Variants in PHEX observed in about 807,000 individuals in gnomAD.
PHEX encodes the protein phosphate-regulating neutral endopeptidase PHEX.
PHEX carries 16 observed loss-of-function variants against 68.0 expected under a neutral mutation model. That is an observed-to-expected ratio of 0.24 (90% CI 0.16 to 0.36). The LOEUF is 0.36. Among genes scored for constraint, PHEX ranks in the 10% least tolerant of loss-of-function variants. PHEX has a pLI of 1.00. For missense variants in PHEX, 480 were observed against 575.5 expected (o/e 0.83, Z 1.70); for synonymous variants, 208 against 205.1 (o/e 1.01, Z -0.12).
rs778858802 is a variant in PHEX, at chrX:22,119,144, C to T, written c.1302+4558C>T. Among the ~76,000 whole-genome samples, 22 of 111,515 alleles carry T rather than the reference C, an allele frequency of 2.0e-4. No individual in the cohort carries two copies. The South Asian group carries it at 8.0e-3, about 41-fold the overall frequency. On this transcript the variant is annotated intron_variant, in intron 11 of 21. Transcript: ENST00000379374. The stretch of plus-strand genomic sequence containing the variant: ...TGATCTCGGCTCACTGCCACCTCCG[C>T]CTCCCTGTGTTGGGATTACAGGCAT...
At position 22,212,938 on chromosome X, in the gene PHEX, T is replaced by C. The variant is rs766026766; in HGVS notation, c.1680T>C (p.Phe560=). 4 of 1,203,021 alleles carry C rather than the reference T, an allele frequency of 3.3e-6. No homozygotes were observed. The highest frequency in any genetic ancestry group is 3.4e-6 in the Non-Finnish European group (3 of 887,479). The stretch of plus-strand genomic sequence containing the variant: ...CAGGAGAGCTCCAGAAGCCTTTCTT[T>C]TGGGGAACAGAATATCCTCGGTGAG... ...FPAGELQKPF[F]WGTEYPRSLS... The change falls in exon 16 of 22, where the codon TTT becomes TTC. Residue 560 remains phenylalanine (F), a synonymous_variant. Coordinates refer to ENST00000379374, the MANE Select transcript of PHEX (RefSeq NM_000444.6).
chrX:22,219,063 A>G lies in PHEX; in HGVS notation c.1728A>G (p.Val576=). The part of the protein sequence containing the change: ...PRSLSYGAIG[V]IVGHEFTHGF... Reference sequence around the variant, plus strand: ...CTCTGAGTTATGGTGCTATAGGAGTAATTGTCGGACATGAATTTACACATG... The same window carrying G: ...CTCTGAGTTATGGTGCTATAGGAGTGATTGTCGGACATGAATTTACACATG... The change falls in exon 17 of 22, where the codon GTA becomes GTG. Residue 576 remains valine, a synonymous_variant. Coordinates refer to ENST00000379374, the MANE Select transcript of PHEX (RefSeq NM_000444.6). 4.2e-6 allele frequency: 5 copies of G among 1,186,913 alleles called. No homozygotes were observed. Among genetic ancestry groups the G allele is most frequent in the Non-Finnish European group, 5.7e-6 (5 of 872,827 alleles).
intron 12 of PHEX, among the ~76,000 whole-genome samples, chrX:22,144,509 T>C (rs1189050682): frequency 9.0e-6 from 1 of 111,319 alleles, no homozygotes; most frequent in Admixed American, 9.7e-5. Flanking sequence ...CCCCTACTTG[T>C]TTTTATGCTT....
chrX:22,169,968 A>C (rs1294673007), intron 13 of PHEX: 1 of 112,308 alleles, frequency 8.9e-6, no homozygotes, highest in East Asian at 2.8e-4. Flanking sequence ...ACTTCCTATA[A>C]AGGGTAGCTT....
Position 22,140,575 on chromosome X carries a change from G to A in PHEX, c.1404+6951G>A, listed in dbSNP as rs138400696. 3.3e-3 allele frequency among the ~76,000 whole-genome samples: 365 copies of A among 110,960 alleles called. 1 individual carries two copies. Among genetic ancestry groups the A allele is most frequent in the African/African-American group, 0.011 (326 of 30,487 alleles). ...TGGCTCACTGCAACCCCTGCCTCCCGGGTTCAAGTGATTCTCCTGTCTCAG... is the reference window on the plus strand; with the variant it reads ...TGGCTCACTGCAACCCCTGCCTCCCAGGTTCAAGTGATTCTCCTGTCTCAG... On this transcript the variant is annotated intron_variant, in intron 12 of 21. Coordinates refer to ENST00000379374, the MANE Select transcript of PHEX (RefSeq NM_000444.6).
At chrX:22,104,131 A>G (rs1414083994) in intron 9 of PHEX, among the ~76,000 whole-genome samples, 4 of 111,451 alleles carry the variant, frequency 3.6e-5, no homozygotes, top group African/African-American at 1.3e-4. Context: ...TCTTTTGCCC[A>G]CTTTTTGATG....
intron 11 of PHEX, among the ~76,000 whole-genome samples, chrX:22,127,947 T>A (rs1931807684): frequency 8.9e-6 from 1 of 112,160 alleles, no homozygotes; most frequent in East Asian, 2.8e-4. Context: ...GGCATGTGAA[T>A]AAACTATTTG....
In PHEX at chrX:22,064,232, ATT is replaced by A. The variant is rs761370936; in HGVS notation, c.350-12154_350-12153del. On this transcript the variant is annotated intron_variant, in intron 3 of 21. Coordinates refer to ENST00000379374, the MANE Select transcript of PHEX (RefSeq NM_000444.6). ...GACTTGGGGGTTTGGTGTACAGATT[ATT>A]TAGTCACTAGACACTAAGCATAGTA... Among the ~76,000 whole-genome samples, 189 of 111,719 alleles carry A rather than the reference ATT, an allele frequency of 1.7e-3. 1 individual carries two copies. The highest frequency in any genetic ancestry group is 6.0e-3 in the African/African-American group (184 of 30,760).
At chrX:22,167,502 TTTTTTTG>T (rs1415860035) in intron 12 of PHEX, among the ~76,000 whole-genome samples, 1 of 98,157 alleles carries the variant, frequency 1.0e-5, no homozygotes, top group Non-Finnish European at 2.0e-5. Flanking sequence ...TTTTTTTTTT[TTTTTTTG>T]GAGACAGGGT....
chrX:22,246,172 A>G (rs1936386334), intron 21 of PHEX, among the ~76,000 whole-genome samples: 1 of 112,175 alleles, frequency 8.9e-6, no homozygotes, highest in African/African-American at 3.2e-5. Context: ...AAGTACAAAT[A>G]AAATTAAAAG....
At chrX:22,241,372 G>C (rs1314841040) in intron 20 of PHEX, among the ~76,000 whole-genome samples, 3 of 111,559 alleles carry the variant, frequency 2.7e-5, no homozygotes, top group Admixed American at 9.5e-5. Context: ...AAGTACTAGA[G>C]AAGCAAGAGC....
chrX:22,117,589 A>C (rs776958591), intron 11 of PHEX, among the ~76,000 whole-genome samples: 1 of 111,916 alleles, frequency 8.9e-6, no homozygotes, highest in Non-Finnish European at 1.9e-5. Flanking sequence ...TGAAAGATTT[A>C]AAAAAATTAT....
At chrX:22,201,132 T>C (rs185268650) in intron 15 of PHEX, among the ~76,000 whole-genome samples, 9 of 111,869 alleles carry the variant, frequency 8.0e-5, no homozygotes, top group African/African-American at 2.3e-4. Flanking sequence ...TTTGTGAAAT[T>C]GACAGATGAT....
intron 3 of PHEX, among the ~76,000 whole-genome samples, chrX:22,051,912 G>A (rs192986934): frequency 2.0e-4 from 22 of 111,529 alleles, no homozygotes; most frequent in African/African-American, 6.5e-4. Flanking sequence ...GTGTATAGAG[G>A]TTTTCAAATG....
chrX:22,078,018 G>A (rs1929235613), intron 5 of PHEX, among the ~76,000 whole-genome samples: 2 of 111,998 alleles, frequency 1.8e-5, no homozygotes, highest in South Asian at 7.4e-4. Context: ...CCTGTTGTTA[G>A]CAGAGATTTT....
chrX:22,098,915 A>C, intron 8 of PHEX, 91 bp from the exon 9 acceptor site: 1 of 861,851 alleles, frequency 1.2e-6, no homozygotes, highest in South Asian at 2.0e-5. Flanking sequence ...AAATCAAAAG[A>C]AATGAATGAT....
At position 22,094,004 on chromosome X, in the gene PHEX, T is replaced by C. The variant is rs1930018667; in HGVS notation, c.754T>C (p.Phe252Leu). Residue 252 changes from phenylalanine (F) to leucine (L), a missense_variant, in exon 7 of 22, where the codon TTC becomes CTC. Transcript: ENST00000379374. Reference protein sequence around the residue: ...AKSYRDALYKFMVDTAVLLGA... With the variant: ...AKSYRDALYKLMVDTAVLLGA... Reference sequence around the variant, plus strand: ...ACAGTATCGGGATGCCCTTTACAAGTTCATGGTGGATACTGCCGTGCTTTT... The same window carrying C: ...ACAGTATCGGGATGCCCTTTACAAGCTCATGGTGGATACTGCCGTGCTTTT... 8.4e-7 allele frequency: 1 copy of C among 1,195,876 alleles called. No individual in the cohort carries two copies. Among genetic ancestry groups the C allele is most frequent in the Non-Finnish European group, 1.1e-6 (1 of 882,941 alleles).
chrX:22,069,494 A>G (rs1173957834), intron 3 of PHEX, among the ~76,000 whole-genome samples: 1 of 111,838 alleles, frequency 8.9e-6, no homozygotes, highest in Non-Finnish European at 1.9e-5. Flanking sequence ...TTCATTATGG[A>G]CAAGGAGGTC....
intron 12 of PHEX, among the ~76,000 whole-genome samples, chrX:22,134,215 G>A (rs933332824): frequency 2.7e-5 from 3 of 112,401 alleles, no homozygotes; most frequent in Non-Finnish European, 5.6e-5. Context: ...GTGGACACTT[G>A]CTGGGCCTTG....
Sources: gnomAD v4.1 joint callset for allele counts (sites outside exome capture counted in the v4.1 genomes callset) on GRCh38, gnomAD v4.1.1 for gene constraint, MANE v1.5 for transcripts, NCBI Gene and HGNC (gene_info 2026-07-23, HGNC 2026-07-21) for gene names.